BABAM2: variants seen among roughly 807,000 people sequenced by gnomAD.
BABAM2 encodes BRISC and BRCA1-A complex member 2.
In BABAM2, 31 loss-of-function variants were observed where a neutral mutation model predicts 54.7. The ratio of observed to expected loss-of-function variants is 0.57; its 90% CI spans 0.43 to 0.77. The LOEUF (loss-of-function observed/expected upper bound fraction) is 0.77, where lower values mean the gene tolerates loss of function less well. Ranked by LOEUF, BABAM2 falls within the 30% of genes least tolerant of loss-of-function variation. BABAM2 has a pLI of 0.00. For synonymous variants in BABAM2, 167 were observed against 162.9 expected (o/e 1.03, Z -0.19); for missense variants, 364 against 455.8 (o/e 0.80, Z 1.83).
intron 6 of BABAM2, among the ~76,000 whole-genome samples, chr2:28,096,067 C>T (rs1441825939): frequency 3.9e-5 from 6 of 152,088 alleles, no homozygotes; most frequent in East Asian, 3.9e-4. Context: ...TCCCTGTACT[C>T]GTTGTCTTTC....
intron 11 of BABAM2, chr2:28,327,534 G>T (rs1196544037): frequency 2.8e-6 from 4 of 1,407,922 alleles, no homozygotes; most frequent in Non-Finnish European, 3.8e-6. Flanking sequence ...TCAGTCAGTT[G>T]TTGTTGAAGT....
At chr2:28,021,092 A>G (rs1451895653) in intron 4 of BABAM2, among the ~76,000 whole-genome samples, 1 of 152,198 alleles carries the variant, frequency 6.6e-6, no homozygotes, top group Non-Finnish European at 1.5e-5. Flanking sequence ...TGACTAATTT[A>G]AGATATAAAC....
rs888262603 is a variant in BABAM2, at chr2:28,255,274, C to T, written c.934+10412C>T. Among the ~76,000 whole-genome samples the T allele has an allele frequency of 2.0e-5, 3 of 152,072 alleles. No homozygotes were observed. In the South Asian group the frequency reaches 6.2e-4, roughly 32 times the overall value. ...TTAGTTATTTCATTTAGAATCTGAG[C>T]CATTCCGTCTTTTTTTTAAGATGGA... On this transcript the variant is annotated intron_variant, in intron 10 of 11. Coordinates refer to ENST00000379624, the MANE Select transcript of BABAM2 (RefSeq NM_199191.3).
At chr2:28,097,239 A>G (rs1352557590) in intron 6 of BABAM2, among the ~76,000 whole-genome samples, 1 of 152,156 alleles carries the variant, frequency 6.6e-6, no homozygotes, top group Non-Finnish European at 1.5e-5. Context: ...TTACCAGAGT[A>G]TGTAGAAAGT....
intron 2 of BABAM2, chr2:27,896,039 A>C (rs1415107691): frequency 6.6e-6 from 1 of 151,834 alleles, no homozygotes; most frequent in African/African-American, 2.4e-5. Context: ...GTCCTTTCTT[A>C]CTAGAAATGT....
intron 7 of BABAM2, among the ~76,000 whole-genome samples, chr2:28,129,801 C>T (rs1669870324): frequency 6.6e-6 from 1 of 152,138 alleles, no homozygotes; most frequent in Non-Finnish European, 1.5e-5. Flanking sequence ...CAAAAACTGA[C>T]TCAGAAGTTA....
chr2:28,100,776 T>A (rs1003704464), intron 6 of BABAM2, among the ~76,000 whole-genome samples: 4 of 152,090 alleles, frequency 2.6e-5, no homozygotes, highest in Non-Finnish European at 4.4e-5. Context: ...GGGGCAAGTG[T>A]GGGCTGTTGG....
chr2:28,062,591 A>T (rs187193501), intron 6 of BABAM2, among the ~76,000 whole-genome samples: 2 of 145,234 alleles, frequency 1.4e-5, no homozygotes, highest in African/African-American at 5.0e-5. Flanking sequence ...AAAAAAAAAC[A>T]TATTTCCAGG....
rs535795747 is a variant in BABAM2 at position 28,037,511 on chromosome 2, TAATA to T, written c.496-8208_496-8205del. ...TCTTTTGCTATTACAAACAATACTG[TAATA>T]AATAATCTTGTATATATGTCACTTT... On this transcript the variant is annotated intron_variant, in intron 5 of 11. Coordinates refer to ENST00000379624, the MANE Select transcript of BABAM2 (RefSeq NM_199191.3). Among the ~76,000 whole-genome samples the T allele has an allele frequency of 4.1e-3, 617 of 152,302 alleles. 2 individuals are homozygous for T. Among genetic ancestry groups the T allele is most frequent in the African/African-American group, 0.014 (587 of 41,570 alleles).
chr2:27,986,209 G>A (rs1022233475), intron 3 of BABAM2, among the ~76,000 whole-genome samples: 63 of 152,188 alleles, frequency 4.1e-4, no homozygotes, highest in African/African-American at 1.4e-3. Context: ...GAGTTAGGAA[G>A]TTTTGGGACA....
At chr2:28,288,825 G>A (rs969277830) in intron 10 of BABAM2, among the ~76,000 whole-genome samples, 2 of 152,224 alleles carry the variant, frequency 1.3e-5, no homozygotes, top group Non-Finnish European at 1.5e-5. Flanking sequence ...GTGACACCGC[G>A]TGTGTGCCTC....
intron 4 of BABAM2, among the ~76,000 whole-genome samples, chr2:28,001,175 T>A (rs1673552373): frequency 6.6e-6 from 1 of 152,206 alleles, no homozygotes; most frequent in South Asian, 2.1e-4. Context: ...AAGGGAAACA[T>A]GATTTTACTG....
At chr2:28,047,828 A>C (rs1677708341) in intron 6 of BABAM2, among the ~76,000 whole-genome samples, 2 of 152,230 alleles carry the variant, frequency 1.3e-5, no homozygotes, top group African/African-American at 4.8e-5. Flanking sequence ...AAAAAGGAGA[A>C]ACTCTTGTGT....
At chr2:28,145,799 C>G (rs1457799298) in intron 7 of BABAM2, among the ~76,000 whole-genome samples, 1 of 152,174 alleles carries the variant, frequency 6.6e-6, no homozygotes, top group African/African-American at 2.4e-5. Flanking sequence ...TTTGCCTGTT[C>G]TGGACATTTT....
chr2:28,162,640 G>T (rs1352287188), intron 7 of BABAM2, among the ~76,000 whole-genome samples: 1 of 152,264 alleles, frequency 6.6e-6, no homozygotes, highest in South Asian at 2.1e-4. Flanking sequence ...AACCAGCCAG[G>T]TAATGCTCTT....
At chr2:28,338,175 G>A (rs900972450) in intron 11 of BABAM2, among the ~76,000 whole-genome samples, 3 of 152,142 alleles carry the variant, frequency 2.0e-5, no homozygotes, top group African/African-American at 4.8e-5. Context: ...AAAGGCAGCC[G>A]GACCTAAGTG....
chr2:28,088,136 T>C (rs1056897693), intron 6 of BABAM2, among the ~76,000 whole-genome samples: 4 of 152,228 alleles, frequency 2.6e-5, no homozygotes, highest in Non-Finnish European at 4.4e-5. Context: ...CTGGCTTACA[T>C]AGATGTCATA....
intron 1 of BABAM2, 59 bp from the exon 2 acceptor site, chr2:27,894,474 G>A: frequency 1.3e-6 from 2 of 1,507,548 alleles, no homozygotes; most frequent in Non-Finnish European, 1.8e-6. Flanking sequence ...TTTTCAGGCA[G>A]AGTGTTGTAT....
intron 10 of BABAM2, 28 bp from the exon 11 acceptor site, chr2:28,298,310 T>G (rs756009128): frequency 1.2e-6 from 2 of 1,607,280 alleles, no homozygotes; most frequent in South Asian, 2.2e-5. Flanking sequence ...ATGCTCTAAC[T>G]TTCTTTTTCT....
Sources: gnomAD v4.1 joint callset for allele counts (sites outside exome capture counted in the v4.1 genomes callset) on GRCh38, gnomAD v4.1.1 for gene constraint, MANE v1.5 for transcripts, NCBI Gene and HGNC (gene_info 2026-07-23, HGNC 2026-07-21) for gene names.